Variants in RGSL1 observed in about 807,000 individuals in gnomAD.
RGSL1 encodes regulator of G protein signaling like 1.
Under a neutral mutation model 124.7 loss-of-function variants are expected in RGSL1, and 97 were observed. The ratio of observed to expected loss-of-function variants is 0.78; its 90% confidence interval spans 0.66 to 0.92. The LOEUF (loss-of-function observed/expected upper bound fraction) is 0.92, where lower values mean the gene tolerates loss of function less well. Among genes scored for constraint, RGSL1 ranks in the 40% least tolerant of loss-of-function variants. The pLI is 0.00. For synonymous variants in RGSL1, 424 were observed against 438.1 expected, an observed-to-expected ratio of 0.97 and a Z score of 0.40; for missense variants, 1,233 against 1,288.4, an observed-to-expected ratio of 0.96 and a Z score of 0.66.
chr1:182,513,091 A>G (rs1327436694), intron 9 of RGSL1, among the ~76,000 whole-genome samples: 1 of 152,216 alleles, frequency 6.6e-6, no homozygotes, highest in Non-Finnish European at 1.5e-5. Context: ...TTCCAGGCCT[A>G]GGGGTGGGGC....
intron 1 of RGSL1, among the ~76,000 whole-genome samples, chr1:182,451,159 A>AT (rs1651788845): frequency 6.6e-6 from 1 of 151,956 alleles, no homozygotes; most frequent in East Asian, 1.9e-4. Flanking sequence ...AAAAAAAAAA[A>AT]AAAGATTGAA....
chr1:182,521,796 A>G (rs1658360090), intron 9 of RGSL1, among the ~76,000 whole-genome samples: 2 of 152,210 alleles, frequency 1.3e-5, no homozygotes, highest in South Asian at 4.1e-4. Context: ...ATACTTATAT[A>G]ACATAACCTG....
intron 11 of RGSL1, among the ~76,000 whole-genome samples, chr1:182,529,029 G>A (rs1035004116): frequency 1.9e-4 from 29 of 151,872 alleles, no homozygotes; most frequent in Admixed American, 2.0e-4. Context: ...AACCACTCCC[G>A]TGATTCAATT....
At chr1:182,552,437 G>A (rs1280400172) in intron 18 of RGSL1, among the ~76,000 whole-genome samples, 2 of 152,202 alleles carry the variant, frequency 1.3e-5, no homozygotes, top group Admixed American at 6.5e-5. Context: ...TAACAAGGAA[G>A]AGGTTGGTGA....
intron 9 of RGSL1, among the ~76,000 whole-genome samples, chr1:182,521,340 G>C (rs1471948507): frequency 6.6e-6 from 1 of 152,090 alleles, no homozygotes; most frequent in Non-Finnish European, 1.5e-5. Context: ...CAAAATGCTG[G>C]GATTATAGGC....
chr1:182,517,282 G>GTTTTT (rs33967101), intron 9 of RGSL1, among the ~76,000 whole-genome samples: 2 of 142,538 alleles, frequency 1.4e-5, no homozygotes, highest in African/African-American at 2.6e-5. Flanking sequence ...TTCTATTTCT[G>GTTTTT]TTTTTTTTTT....
rs114726814 is a variant in RGSL1 at position 182,552,710 on chromosome 1, G to A, written c.3044-745G>A. 8.9e-3 allele frequency among the ~76,000 whole-genome samples: 1,357 copies of A among 152,290 alleles called. 15 individuals are homozygous for A. The highest frequency in any genetic ancestry group is 0.028 in the African/African-American group (1,176 of 41,550). On this transcript the variant is annotated intron_variant, in intron 18 of 21. Transcript: ENST00000294854. ...GTATTTGGCTCATGATTCAGGGGAC[G>A]GGGAAGTCCAAGAGCATGACACTAA...
chr1:182,459,302 A>G (rs1652610264), intron 3 of RGSL1, among the ~76,000 whole-genome samples: 1 of 150,646 alleles, frequency 6.6e-6, no homozygotes, highest in Non-Finnish European at 1.5e-5. Flanking sequence ...TTCCTTTTCC[A>G]CTATGTAGAC....
rs142621594 is a variant in RGSL1 at position 182,469,895 on chromosome 1, A to C, written c.302-2501A>C. On this transcript the variant is annotated intron_variant, in intron 4 of 21. Transcript: ENST00000294854. ...ATCCTGAAGACATGCTAATTGAAGT[A>C]AGCCAGTCACAGAAAGACAAATACT... Among the ~76,000 whole-genome samples the C allele has an allele frequency of 2.6e-5, 4 of 152,326 alleles. No individual in the cohort carries two copies. In the East Asian group the frequency reaches 7.7e-4, roughly 29 times the overall value.
intron 9 of RGSL1, among the ~76,000 whole-genome samples, chr1:182,509,454 C>T (rs1309310585): frequency 2.2e-5 from 1 of 45,328 alleles, no homozygotes; most frequent in African/African-American, 1.0e-4. Flanking sequence ...GACCCCCCCA[C>T]CTCCCTCCCG....
intron 14 of RGSL1, among the ~76,000 whole-genome samples, chr1:182,535,749 TTTC>T (rs1659495569): frequency 6.6e-6 from 1 of 152,202 alleles, no homozygotes; most frequent in Non-Finnish European, 1.5e-5. Flanking sequence ...GCTGCTTTGT[TTTC>T]TTTTCTTCCC....
intron 4 of RGSL1, among the ~76,000 whole-genome samples, chr1:182,469,991 C>T (rs1364169352): frequency 6.6e-6 from 1 of 151,908 alleles, no homozygotes; most frequent in East Asian, 1.9e-4. Context: ...TGGTGGTTGT[C>T]AGGAGCTGGG....
At chr1:182,531,655 T>C (rs912516017) in intron 13 of RGSL1, among the ~76,000 whole-genome samples, 2 of 152,166 alleles carry the variant, frequency 1.3e-5, no homozygotes, top group Non-Finnish European at 2.9e-5. Flanking sequence ...TTCCTCCATA[T>C]ATGAATAAAC....
intron 20 of RGSL1, 103 bp downstream of exon 20, chr1:182,554,796 C>A: frequency 8.8e-7 from 1 of 1,135,988 alleles, no homozygotes; most frequent in Non-Finnish European, 1.3e-6. Flanking sequence ...TCATACCCTG[C>A]CTCTCCTTGG....
At chr1:182,463,236 G>A (rs1462626623) in intron 4 of RGSL1, among the ~76,000 whole-genome samples, 4 of 150,532 alleles carry the variant, frequency 2.7e-5, no homozygotes, top group Admixed American at 1.3e-4. Flanking sequence ...GGAGCTTGCA[G>A]TGAGTGGAGA....
Position 182,488,968 on chromosome 1 carries a change from C to T in RGSL1, c.1495-12C>T. 1.3e-6 allele frequency: 2 copies of T among 1,547,386 alleles called. No individual in the cohort carries two copies. Among genetic ancestry groups the T allele is most frequent in the South Asian group, 1.2e-5 (1 of 83,726 alleles). ...TAACAAATGCCATCTTCCCCTCACC[C>T]TCTTCTCTTAGACACAGAACAGGTT... On this transcript the variant is annotated splice_polypyrimidine_tract_variant and intron_variant, in intron 7 of 21. Coordinates refer to ENST00000294854, the MANE Select transcript of RGSL1 (RefSeq NM_001137669.2).
At chr1:182,449,296 A>C (rs1290117311), upstream of RGSL1, 1 of 152,224 alleles carries the variant, frequency 6.6e-6, no homozygotes, top group East Asian at 1.9e-4. Flanking sequence ...GCACTTTTTC[A>C]AATGTAAGTG....
rs868191152 is a variant in RGSL1 at position 182,493,222 on chromosome 1, C to T, written c.1825+93C>T. 10 of 846,928 alleles carry T rather than the reference C, an allele frequency of 1.2e-5. No individual in the cohort carries two copies. The Middle Eastern group carries it at 2.2e-3, about 188-fold the overall frequency. The allele number at this position is 846,928 out of a possible 1,614,324, so 52.5% of individuals were successfully genotyped here. ...TCTTGTGTTCTTTAAGGAACATAAGCCAAAAGAGGAACCATGCTCTGTTGG... is the reference window on the plus strand; with the variant it reads ...TCTTGTGTTCTTTAAGGAACATAAGTCAAAAGAGGAACCATGCTCTGTTGG... On this transcript the variant is annotated intron_variant, in intron 9 of 21. Coordinates refer to ENST00000294854, the MANE Select transcript of RGSL1 (RefSeq NM_001137669.2).
chr1:182,451,140 T>C (rs1372197097), intron 1 of RGSL1, among the ~76,000 whole-genome samples: 2 of 95,928 alleles, frequency 2.1e-5, no homozygotes, highest in East Asian at 3.7e-4. Context: ...AGTGAGACTT[T>C]GGCAAAAAAA....
Sources: gnomAD v4.1 joint callset for allele counts (sites outside exome capture counted in the v4.1 genomes callset) on GRCh38, gnomAD v4.1.1 for gene constraint, MANE v1.5 for transcripts, NCBI Gene and HGNC (gene_info 2026-07-23, HGNC 2026-07-21) for gene names.